Variants in PCDHGC4 observed in about 807,000 individuals in gnomAD.
The protein encoded by PCDHGC4 is protocadherin gamma-C4.
Under a neutral mutation model 59.7 loss-of-function variants are expected in PCDHGC4, and 15 were observed. The observed-to-expected ratio is 0.25, with a 90% CI of 0.17 to 0.39. PCDHGC4 has a LOEUF of 0.39. PCDHGC4 is among the 10% of genes least tolerant of loss of function. The pLI is 1.00. For synonymous variants in PCDHGC4, 434 were observed against 481.4 expected, an observed-to-expected ratio of 0.90 and a Z score of 1.29; for missense variants, 1,016 against 1,189.5, an observed-to-expected ratio of 0.85 and a Z score of 2.15.
In PCDHGC4 at chr5:141,485,313, A is replaced by G. The variant is rs758628263; in HGVS notation, c.140A>G (p.Asn47Ser). Residue 47 changes from asparagine to serine, a missense_variant, in exon 1 of 4, where the codon AAT (asparagine) becomes AGT (serine). Asn to Ser is a conservative substitution (Grantham distance 46). Transcript: ENST00000306593. The surrounding 1 kb of genome is among the most constrained non-coding windows in gnomAD (Gnocchi z 5.7). Reference sequence around the variant, plus strand: ...TCACAGGAAGGGACTTTTGTAGGGAATGTCGCTCAAGATTTCCTGCTGGAT... The same window carrying G: ...TCACAGGAAGGGACTTTTGTAGGGAGTGTCGCTCAAGATTTCCTGCTGGAT... The part of the protein sequence containing the change: ...EESQEGTFVG[N>S]VAQDFLLDTD... 1.2e-6 allele frequency: 2 copies of G among 1,614,186 alleles called. No individual in the cohort carries two copies. Among genetic ancestry groups the G allele is most frequent in the African/African-American group, 1.3e-5 (1 of 75,054 alleles).
intron 2 of PCDHGC4, among the ~76,000 whole-genome samples, chr5:141,499,297 T>A (rs1449576891): frequency 1.3e-5 from 2 of 152,036 alleles, no homozygotes; most frequent in Non-Finnish European, 2.9e-5. Flanking sequence ...CACACTACCA[T>A]CCCTCCTCTG....
intron 2 of PCDHGC4, among the ~76,000 whole-genome samples, chr5:141,499,689 CTTTTT>C (rs545067566): frequency 3.3e-5 from 4 of 119,852 alleles, no homozygotes; most frequent in Non-Finnish European, 3.5e-5. Flanking sequence ...TAACAGATGA[CTTTTT>C]TTTTTTTTTT....
chr5:141,489,467 C>G lies in PCDHGC4; in HGVS notation c.2442+1852C>G. 1 of 1,614,076 alleles carries G rather than the reference C, an allele frequency of 6.2e-7. No individual in the cohort carries two copies. The highest frequency in any genetic ancestry group is 8.5e-7 in the Non-Finnish European group (1 of 1,180,026). Reference sequence around the variant, plus strand: ...TCTGAGGAGAATGGGCGCTATTTTTCCCTGAGCTTGATGAGTGGTGCCCTG... The same window carrying G: ...TCTGAGGAGAATGGGCGCTATTTTTGCCTGAGCTTGATGAGTGGTGCCCTG... On this transcript the variant is annotated intron_variant, in intron 1 of 3. Transcript: ENST00000306593. The surrounding 1 kb of genome is among the most constrained non-coding windows in gnomAD (Gnocchi z 4.5).
At chr5:141,501,602 A>T (rs766918685) in intron 2 of PCDHGC4, among the ~76,000 whole-genome samples, 1 of 152,026 alleles carries the variant, frequency 6.6e-6, no homozygotes. Flanking sequence ...TACCAGTTCC[A>T]GCTGTGTGAC....
intron 2 of PCDHGC4, among the ~76,000 whole-genome samples, chr5:141,496,955 G>T (rs2099772887): frequency 6.6e-6 from 1 of 152,006 alleles, no homozygotes; most frequent in African/African-American, 2.4e-5. Context: ...GGAGGCCAAG[G>T]TGGGTAGATC....
At chr5:141,504,594 C>T (rs2099839378) in intron 2 of PCDHGC4, among the ~76,000 whole-genome samples, 2 of 140,288 alleles carry the variant, frequency 1.4e-5, no homozygotes, top group South Asian at 4.4e-4. Context: ...GGATTCACAG[C>T]AAGAGGGAAC....
At chr5:141,499,689 C>CTTT (rs545067566) in intron 2 of PCDHGC4, among the ~76,000 whole-genome samples, 57 of 119,830 alleles carry the variant, frequency 4.8e-4, no homozygotes, top group Non-Finnish European at 6.2e-4. Context: ...TAACAGATGA[C>CTTT]TTTTTTTTTT....
Position 141,491,755 on chromosome 5 carries a change from G to T in PCDHGC4, c.2443-3052G>T, listed in dbSNP as rs1402188587. 3 of 1,582,078 alleles carry T rather than the reference G, an allele frequency of 1.9e-6. No individual in the cohort carries two copies. Among genetic ancestry groups the T allele is most frequent in the Non-Finnish European group, 2.6e-6 (3 of 1,165,458 alleles). On this transcript the variant is annotated intron_variant, in intron 1 of 3. Coordinates refer to ENST00000306593, the MANE Select transcript of PCDHGC4 (RefSeq NM_018928.3). This position sits in a 1 kb window ranked among gnomAD's most constrained non-coding sequence, Gnocchi z 6.9. ...CCCTGGGGGCGGCACTGGAGAAGCC[G>T]CCCGTCCTCATAAGGGATTGAACTT...
At position 141,489,800 on chromosome 5, in the gene PCDHGC4, A is replaced by T. The variant is rs2099692478; in HGVS notation, c.2442+2185A>T. 1 of 1,614,166 alleles carries T rather than the reference A, an allele frequency of 6.2e-7. No homozygotes were observed. Among genetic ancestry groups the T allele is most frequent in the Non-Finnish European group, 8.5e-7 (1 of 1,179,994 alleles). On this transcript the variant is annotated intron_variant, in intron 1 of 3. Coordinates refer to ENST00000306593, the MANE Select transcript of PCDHGC4 (RefSeq NM_018928.3). This position sits in a 1 kb window ranked among gnomAD's most constrained non-coding sequence, Gnocchi z 4.5. ...TCTCTGAATGTGAAGACCCTAAAAG[A>T]TGGGAAGCCATTCCCAGAGCTGGTG...
chr5:141,492,360 G>A (rs2099739696), intron 1 of PCDHGC4, among the ~76,000 whole-genome samples: 1 of 152,190 alleles, frequency 6.6e-6, no homozygotes, highest in African/African-American at 2.4e-5. Context: ...CCACTCGCTC[G>A]CGGCCAGATT....
At chr5:141,509,823 TTCTC>T (rs2099878456) in intron 3 of PCDHGC4, among the ~76,000 whole-genome samples, 1 of 152,170 alleles carries the variant, frequency 6.6e-6, no homozygotes, top group Non-Finnish European at 1.5e-5. Flanking sequence ...CTTCTCCATC[TTCTC>T]TCTACCTCCC....
intron 2 of PCDHGC4, 142 bp downstream of exon 2, chr5:141,495,007 G>C (rs2099758216): frequency 2.0e-6 from 3 of 1,522,276 alleles, no homozygotes; most frequent in Non-Finnish European, 8.8e-7. Flanking sequence ...TTGGTGTGCG[G>C]GGGGCTGGCA....
At position 141,509,907 on chromosome 5, in the gene PCDHGC4, C is replaced by G. The variant is rs149338646; in HGVS notation, c.2591-1040C>G. Among the ~76,000 whole-genome samples, 567 of 152,300 alleles carry G rather than the reference C, an allele frequency of 3.7e-3. 5 individuals carry two copies. Among genetic ancestry groups the G allele is most frequent in the Admixed American group, 0.011 (163 of 15,296 alleles). ...GTGACTGACTGTCCCTTCCAGCATGCGCTTAGGTACACTTGGGCCTGAATG... is the reference window on the plus strand; with the variant it reads ...GTGACTGACTGTCCCTTCCAGCATGGGCTTAGGTACACTTGGGCCTGAATG... On this transcript the variant is annotated intron_variant, in intron 3 of 3. Coordinates refer to ENST00000306593, the MANE Select transcript of PCDHGC4 (RefSeq NM_018928.3).
chr5:141,496,783 C>T (rs572860852), intron 2 of PCDHGC4, among the ~76,000 whole-genome samples: 1 of 152,162 alleles, frequency 6.6e-6, no homozygotes, highest in East Asian at 1.9e-4. Context: ...GAGCAGGGCC[C>T]TGTGCTAAAC....
rs980122657 is a variant in PCDHGC4, at chr5:141,511,379, C to G, written c.*206C>G. The G allele has an allele frequency of 2.9e-5, 34 of 1,169,842 alleles. No individual in the cohort carries two copies. The highest frequency in any genetic ancestry group is 3.9e-5 in the Non-Finnish European group (33 of 853,834). The allele number at this position is 1,169,842 out of a possible 1,614,324, so 72.5% of individuals were successfully genotyped here. ...GGGGGTTGAATATGCAAAAGCAGTT[C>G]CGCTGGGAACCCCCATCCAATCAAC... On this transcript the variant is annotated 3_prime_UTR_variant, in exon 4 of 4. Transcript: ENST00000306593.
At chr5:141,501,116 C>T (rs1325487254) in intron 2 of PCDHGC4, among the ~76,000 whole-genome samples, 1 of 152,154 alleles carries the variant, frequency 6.6e-6, no homozygotes, top group Non-Finnish European at 1.5e-5. Flanking sequence ...ATCCGCCTGC[C>T]TCAGCCTCCC....
intron 2 of PCDHGC4, among the ~76,000 whole-genome samples, chr5:141,496,279 G>C (rs902362885): frequency 1.3e-5 from 2 of 152,198 alleles, no homozygotes; most frequent in Non-Finnish European, 2.9e-5. Context: ...ACCTTCAGTT[G>C]GTCTGAGCAG....
rs1290674122 is a variant in PCDHGC4 at position 141,489,521 on chromosome 5, G to A, written c.2442+1906G>A. 3 of 1,613,988 alleles carry A rather than the reference G, an allele frequency of 1.9e-6. No individual in the cohort carries two copies. The highest frequency in any genetic ancestry group is 2.2e-5 in the East Asian group (1 of 44,886). On this transcript the variant is annotated intron_variant, in intron 1 of 3. Coordinates refer to ENST00000306593, the MANE Select transcript of PCDHGC4 (RefSeq NM_018928.3). This position sits in a 1 kb window ranked among gnomAD's most constrained non-coding sequence, Gnocchi z 4.5. ...GTGAATCAAAAGATTGACCGAGAAAGCCTATGTGGAGCCAGCACCAGCTGC... is the reference window on the plus strand; with the variant it reads ...GTGAATCAAAAGATTGACCGAGAAAACCTATGTGGAGCCAGCACCAGCTGC...
chr5:141,491,705 G>A lies in PCDHGC4; in HGVS notation c.2443-3102G>A. ...ACGCTGCGGGAGCGGAGCCAGGTGA[G>A]GGGCTCGGCGCCGCCCCGGGCGACC... is the stretch of plus-strand genomic sequence containing the variant. On this transcript the variant is annotated intron_variant, in intron 1 of 3. Transcript: ENST00000306593. The surrounding 1 kb of genome is among the most constrained non-coding windows in gnomAD (Gnocchi z 6.9). 1 of 1,611,064 alleles carries A rather than the reference G, an allele frequency of 6.2e-7. No homozygotes were observed. Among genetic ancestry groups the A allele is most frequent in the South Asian group, 1.1e-5 (1 of 90,828 alleles).
Sources: allele counts gnomAD v4.1 joint callset (sites outside exome capture counted in the v4.1 genomes callset), GRCh38; gene constraint gnomAD v4.1.1; non-coding constraint Gnocchi (gnomAD v3.1); transcripts MANE v1.5; gene names NCBI Gene and HGNC (gene_info 2026-07-23, HGNC 2026-07-21).